BCAS4: variants seen among roughly 807,000 people sequenced by gnomAD.
BCAS4 encodes breast carcinoma amplified sequence 4, also known as breast carcinoma-amplified sequence 4.
BCAS4 carries 9 observed loss-of-function variants against 15.7 expected under a neutral mutation model. The ratio of observed to expected loss-of-function variants is 0.57; its 90% CI spans 0.34 to 1.00. The LOEUF is 1.00. Ranked by LOEUF, BCAS4 falls within the 50% of genes least tolerant of loss-of-function variation. The pLI is 0.02. For synonymous variants in BCAS4, 101 were observed against 99.5 expected, an observed-to-expected ratio of 1.02 and a Z score of -0.09; for missense variants, 225 against 239.1, an observed-to-expected ratio of 0.94 and a Z score of 0.39.
intron 1 of BCAS4, among the ~76,000 whole-genome samples, chr20:50,802,621 C>T (rs2087941370): frequency 6.6e-6 from 1 of 152,266 alleles, no homozygotes; most frequent in Non-Finnish European, 1.5e-5. Flanking sequence ...CCTGTAATCC[C>T]AGCACTTTGG....
chr20:50,849,360 G>T (rs1043186580), intron 4 of BCAS4, among the ~76,000 whole-genome samples: 2 of 152,208 alleles, frequency 1.3e-5, no homozygotes, highest in African/African-American at 2.4e-5. Flanking sequence ...ACTCGGGGCT[G>T]CCTGGCCCAC....
At chr20:50,814,431 G>T (rs6067558) in intron 1 of BCAS4, among the ~76,000 whole-genome samples, 54 of 152,336 alleles carry the variant, frequency 3.5e-4, no homozygotes, top group African/African-American at 1.2e-3. Context: ...AGACCACACA[G>T]GTGTGCACCA....
intron 1 of BCAS4, among the ~76,000 whole-genome samples, chr20:50,807,530 T>C (rs2088006873): frequency 6.6e-6 from 1 of 152,218 alleles, no homozygotes; most frequent in South Asian, 2.1e-4. Flanking sequence ...AATAGGTTTT[T>C]GGGGAACAGG....
At chr20:50,799,676 G>T (rs1004418283) in intron 1 of BCAS4, among the ~76,000 whole-genome samples, 1 of 152,210 alleles carries the variant, frequency 6.6e-6, no homozygotes, top group Non-Finnish European at 1.5e-5. Context: ...TTCAGCCTCG[G>T]TATGTGCCAA....
rs929568417 is a variant in BCAS4 at position 50,851,421 on chromosome 20, T to C, written c.399+9521T>C. Among the ~76,000 whole-genome samples, 12 of 152,106 alleles carry C rather than the reference T, an allele frequency of 7.9e-5. No homozygotes were observed. The highest frequency in any genetic ancestry group is 1.3e-4 in the Admixed American group (2 of 15,268). ...CTTCAAGGTCTTTGGTGGAGTGCTA[T>C]AGGGGGACGGAGGGTTCCTGGCAGG... On this transcript the variant is annotated intron_variant, in intron 4 of 4. Transcript: ENST00000371608. This position sits in a 1 kb window ranked among gnomAD's most constrained non-coding sequence, Gnocchi z 4.3.
At chr20:50,844,389 A>G (rs558705596) in intron 4 of BCAS4, among the ~76,000 whole-genome samples, 1 of 152,286 alleles carries the variant, frequency 6.6e-6, no homozygotes, top group African/African-American at 2.4e-5. Context: ...AACCATGATC[A>G]TGCCACTCAC....
At chr20:50,866,068 C>T (rs1291189602) in intron 4 of BCAS4, among the ~76,000 whole-genome samples, 1 of 152,100 alleles carries the variant, frequency 6.6e-6, no homozygotes, top group Non-Finnish European at 1.5e-5. Flanking sequence ...TTGAGTCTCT[C>T]CTCAGCCTTT....
intron 2 of BCAS4, among the ~76,000 whole-genome samples, chr20:50,821,063 C>G (rs927592888): frequency 1.3e-5 from 2 of 152,228 alleles, no homozygotes; most frequent in Non-Finnish European, 2.9e-5. Flanking sequence ...AAGCGACCAC[C>G]TGCTGTGGGC....
intron 1 of BCAS4, among the ~76,000 whole-genome samples, chr20:50,812,381 C>G (rs575999904): frequency 5.3e-5 from 8 of 151,378 alleles, no homozygotes; most frequent in Admixed American, 2.0e-4. Context: ...GATCCGCCCC[C>G]CCTTGGCCTC....
intron 4 of BCAS4, among the ~76,000 whole-genome samples, chr20:50,846,146 T>TA (rs2088541173): frequency 1.3e-5 from 2 of 152,260 alleles, no homozygotes; most frequent in African/African-American, 4.8e-5. Flanking sequence ...CTACAACACA[T>TA]GTATTTCATG....
At chr20:50,853,618 A>G (rs548468215) in intron 4 of BCAS4, among the ~76,000 whole-genome samples, 3 of 143,908 alleles carry the variant, frequency 2.1e-5, no homozygotes, top group African/African-American at 7.7e-5. Flanking sequence ...AGGCCTCACA[A>G]CCTCAGCACT....
At chr20:50,863,946 T>G (rs893734661) in intron 4 of BCAS4, among the ~76,000 whole-genome samples, 1 of 152,230 alleles carries the variant, frequency 6.6e-6, no homozygotes, top group Admixed American at 6.5e-5. Flanking sequence ...TCTGCTCATG[T>G]GCCCCCCCAA....
intron 4 of BCAS4, among the ~76,000 whole-genome samples, chr20:50,871,546 G>A (rs1036869922): frequency 3.9e-5 from 6 of 152,222 alleles, no homozygotes; most frequent in Admixed American, 3.9e-4. Flanking sequence ...AAGCAACCCT[G>A]GTCAGTGTGG....
intron 2 of BCAS4, among the ~76,000 whole-genome samples, chr20:50,826,484 A>AT (rs1414394662): frequency 6.6e-6 from 1 of 152,226 alleles, no homozygotes; most frequent in Non-Finnish European, 1.5e-5. Flanking sequence ...ATATTTATGT[A>AT]TTTTTTATTT....
chr20:50,803,338 A>T (rs1569016375), intron 1 of BCAS4, among the ~76,000 whole-genome samples: 1 of 152,204 alleles, frequency 6.6e-6, no homozygotes, highest in African/African-American at 2.4e-5. Flanking sequence ...CAGAGTGCTG[A>T]GTGAGAGGTG....
intron 4 of BCAS4, among the ~76,000 whole-genome samples, chr20:50,875,403 T>G (rs1293591672): frequency 1.3e-5 from 2 of 152,120 alleles, no homozygotes; most frequent in Non-Finnish European, 2.9e-5. Context: ...ATGGTTTTGT[T>G]TTTTGAAAGA....
chr20:50,872,471 T>C (rs1979701183), intron 4 of BCAS4, among the ~76,000 whole-genome samples: 2 of 149,868 alleles, frequency 1.3e-5, no homozygotes, highest in African/African-American at 5.0e-5. Flanking sequence ...CTCTGGAGGC[T>C]GAGGCAGGAG....
intron 4 of BCAS4, among the ~76,000 whole-genome samples, chr20:50,854,878 G>A (rs753085428): frequency 6.6e-6 from 1 of 152,250 alleles, no homozygotes; most frequent in Non-Finnish European, 1.5e-5. Context: ...ATGCGCTGAT[G>A]TCGGCCACCA....
intron 4 of BCAS4, among the ~76,000 whole-genome samples, chr20:50,843,174 C>T (rs1167565532): frequency 6.6e-6 from 1 of 152,126 alleles, no homozygotes; most frequent in Admixed American, 6.5e-5. Flanking sequence ...CCAGGCTGGT[C>T]TCCATCTCTT....
Sources: allele counts gnomAD v4.1 joint callset (sites outside exome capture counted in the v4.1 genomes callset), GRCh38; gene constraint gnomAD v4.1.1; non-coding constraint Gnocchi (gnomAD v3.1); transcripts MANE v1.5; gene names NCBI Gene and HGNC (gene_info 2026-07-23, HGNC 2026-07-21).